Variants in NKAIN3 observed in about 807,000 individuals in gnomAD.
NKAIN3 encodes the protein sodium/potassium transporting ATPase interacting 3, also known as sodium/potassium-transporting ATPase subunit beta-1-interacting protein 3.
In NKAIN3, 25 loss-of-function variants were observed where a neutral mutation model predicts 30.2. That is an observed-to-expected ratio of 0.83 (90% CI 0.60 to 1.16). NKAIN3 has a LOEUF of 1.16. NKAIN3 is among the 50% of genes most tolerant of loss of function. The pLI is 0.00. For missense variants in NKAIN3, 225 were observed against 254.1 expected (o/e 0.89, Z 0.78); for synonymous variants, 91 against 89.6 (o/e 1.02, Z -0.09).
In NKAIN3 at chr8:62,318,728, G is replaced by A. The variant is rs193210651; in HGVS notation, c.54+69601G>A. ...AGCTTTTTGATGTTCTGCTGGATTC[G>A]GTTTGCCAGTATTTTATTGAGGATT... On this transcript the variant is annotated intron_variant, in intron 1 of 6. Transcript: ENST00000623646. 8.3e-4 allele frequency among the ~76,000 whole-genome samples: 127 copies of A among 152,212 alleles called. 3 individuals are homozygous for A. In the South Asian group the frequency reaches 0.018, roughly 21 times the overall value.
At chr8:62,398,401 TAAAA>T (rs1270418238) in intron 1 of NKAIN3, among the ~76,000 whole-genome samples, 1 of 150,026 alleles carries the variant, frequency 6.7e-6, no homozygotes, top group Non-Finnish European at 1.5e-5. Context: ...ATAAATAAAA[TAAAA>T]ATAAAAGCAA....
At chr8:62,787,861 A>G (rs1817573943) in intron 4 of NKAIN3, among the ~76,000 whole-genome samples, 2 of 152,094 alleles carry the variant, frequency 1.3e-5, no homozygotes, top group African/African-American at 2.4e-5. Flanking sequence ...ATGGGAACTC[A>G]TCATTTTTTA....
intron 1 of NKAIN3, among the ~76,000 whole-genome samples, chr8:62,294,812 T>A (rs556400402): frequency 6.6e-6 from 1 of 152,148 alleles, no homozygotes; most frequent in Admixed American, 6.6e-5. Flanking sequence ...CCCAAAGTAC[T>A]GGGAATATAA....
chr8:62,927,358 G>A (rs570488508), intron 5 of NKAIN3, among the ~76,000 whole-genome samples: 8 of 152,150 alleles, frequency 5.3e-5, no homozygotes, highest in African/African-American at 9.6e-5. Context: ...CCAGAAAATC[G>A]CATCTCTTGA....
intron 1 of NKAIN3, among the ~76,000 whole-genome samples, chr8:62,321,825 G>T (rs1011769031): frequency 1.3e-5 from 2 of 152,120 alleles, no homozygotes; most frequent in African/African-American, 4.8e-5. Context: ...CTCCAGCTGC[G>T]TGCTGGGAGA....
chr8:62,407,667 G>A lies in NKAIN3; in HGVS notation c.54+158540G>A, dbSNP rs577949530. ...AGGATGGTCTCGATCTCTTGATCTC[G>A]TGATCCACCCGCCTCAGCCTCCCAA... On this transcript the variant is annotated intron_variant, in intron 1 of 6. Transcript: ENST00000623646. 1.8e-3 allele frequency among the ~76,000 whole-genome samples: 279 copies of A among 152,238 alleles called. 1 individual carries two copies. Among genetic ancestry groups the A allele is most frequent in the African/African-American group, 6.4e-3 (268 of 41,562 alleles).
At chr8:62,817,538 T>C (rs1818721892) in intron 4 of NKAIN3, among the ~76,000 whole-genome samples, 1 of 152,116 alleles carries the variant, frequency 6.6e-6, no homozygotes. Context: ...TACAGTGATT[T>C]TTCAGAGCTC....
intron 1 of NKAIN3, among the ~76,000 whole-genome samples, chr8:62,511,526 G>A (rs774492678): frequency 5.3e-5 from 8 of 152,164 alleles, no homozygotes; most frequent in Non-Finnish European, 8.8e-5. Flanking sequence ...GTGGTGTGAT[G>A]ACTATCCTCT....
intron 1 of NKAIN3, among the ~76,000 whole-genome samples, chr8:62,431,323 C>T (rs759226341): frequency 2.0e-5 from 3 of 151,688 alleles, no homozygotes; most frequent in Non-Finnish European, 4.4e-5. Flanking sequence ...TAACAAAGAC[C>T]CAAGATGAAC....
At chr8:62,886,286 A>T (rs72655028) in intron 4 of NKAIN3, among the ~76,000 whole-genome samples, 3,373 of 152,016 alleles carry the variant, frequency 0.022, 52 homozygotes, top group South Asian at 0.027. Flanking sequence ...AAATAGTCCT[A>T]GTTTATCTTC....
chr8:62,274,959 T>A (rs1585621677), intron 1 of NKAIN3, among the ~76,000 whole-genome samples: 1 of 152,146 alleles, frequency 6.6e-6, no homozygotes, highest in Admixed American at 6.5e-5. Context: ...TATTCCATGG[T>A]ATATATGTGC....
At chr8:62,510,931 G>A (rs1016465266) in intron 1 of NKAIN3, among the ~76,000 whole-genome samples, 3 of 152,008 alleles carry the variant, frequency 2.0e-5, no homozygotes, top group Admixed American at 1.3e-4. Flanking sequence ...TCGTTTGCTG[G>A]TGTCTGCCCT....
chr8:62,475,251 T>C (rs1806482112), intron 1 of NKAIN3, among the ~76,000 whole-genome samples: 1 of 152,198 alleles, frequency 6.6e-6, no homozygotes, highest in African/African-American at 2.4e-5. Context: ...AAGAAAATTA[T>C]TTGGAAACAT....
Position 62,969,100 on chromosome 8 carries a change from G to A in NKAIN3, c.*3693G>A, listed in dbSNP as rs1823777467. The stretch of plus-strand genomic sequence containing the variant: ...ACACTTTCTTACCACTTCAAATCTG[G>A]GAGGTGGTTGGCTCATTTGTTTTGA... On this transcript the variant is annotated 3_prime_UTR_variant, in exon 7 of 7. Transcript: ENST00000623646. Among the ~76,000 whole-genome samples the A allele has an allele frequency of 6.6e-6, 1 of 152,168 alleles. No homozygotes were observed. Among genetic ancestry groups the A allele is most frequent in the Non-Finnish European group, 1.5e-5 (1 of 68,032 alleles).
intron 4 of NKAIN3, among the ~76,000 whole-genome samples, chr8:62,870,159 C>T (rs1004187113): frequency 3.6e-5 from 4 of 110,052 alleles, no homozygotes; most frequent in African/African-American, 1.5e-4. Context: ...TATTGTGTGA[C>T]TTTGCCTTAT....
intron 3 of NKAIN3, among the ~76,000 whole-genome samples, chr8:62,684,831 A>T (rs577812773): frequency 6.6e-6 from 1 of 152,304 alleles, no homozygotes; most frequent in South Asian, 2.1e-4. Context: ...CAGAAGGAAG[A>T]CCATATGAAG....
At chr8:62,691,045 C>T (rs908512129) in intron 3 of NKAIN3, among the ~76,000 whole-genome samples, 19 of 152,168 alleles carry the variant, frequency 1.2e-4, no homozygotes, top group African/African-American at 4.6e-4. Flanking sequence ...ATCTAAAACA[C>T]GGGATCAAGT....
At chr8:62,533,363 A>G (rs1808546701) in intron 1 of NKAIN3, among the ~76,000 whole-genome samples, 1 of 152,214 alleles carries the variant, frequency 6.6e-6, no homozygotes, top group African/African-American at 2.4e-5. Flanking sequence ...GCTGCAGTGG[A>G]ACAAACTGTA....
At chr8:62,883,457 G>GTTGTTGTT in intron 4 of NKAIN3, among the ~76,000 whole-genome samples, 10 of 70,232 alleles carry the variant, frequency 1.4e-4, no homozygotes, top group African/African-American at 2.1e-4. Context: ...AGTTTTATGG[G>GTTGTTGTT]TTTTTTTTTT....
Sources: allele counts gnomAD v4.1 joint callset (sites outside exome capture counted in the v4.1 genomes callset), GRCh38; gene constraint gnomAD v4.1.1; transcripts MANE v1.5; gene names NCBI Gene and HGNC (gene_info 2026-07-23, HGNC 2026-07-21).